PDE7A: variants seen among roughly 807,000 people sequenced by gnomAD.
PDE7A encodes the protein phosphodiesterase 7A.
Under a neutral mutation model 64.3 loss-of-function variants are expected in PDE7A, and 39 were observed. That is an observed-to-expected ratio of 0.61 (90% CI 0.47 to 0.79). PDE7A has a LOEUF of 0.79. PDE7A is among the 30% of genes least tolerant of loss of function. The pLI is 0.00. For synonymous variants in PDE7A, 203 were observed against 206.8 expected, an observed-to-expected ratio of 0.98 and a Z score of 0.16; for missense variants, 470 against 582.8, an observed-to-expected ratio of 0.81 and a Z score of 1.99.
intron 2 of PDE7A, among the ~76,000 whole-genome samples, chr8:65,780,036 T>C (rs1809370432): frequency 6.6e-6 from 1 of 152,062 alleles, no homozygotes; most frequent in African/African-American, 2.4e-5. Flanking sequence ...ATAATAATTA[T>C]TATAATCTAT....
intron 1 of PDE7A, among the ~76,000 whole-genome samples, chr8:65,790,955 G>C (rs1189154521): frequency 1.3e-5 from 2 of 152,124 alleles, no homozygotes; most frequent in Non-Finnish European, 2.9e-5. Context: ...CCCTGGCTTC[G>C]AGGTCATTCT....
intron 1 of PDE7A, among the ~76,000 whole-genome samples, chr8:65,798,206 A>ATATATATATATATATATATATT: frequency 5.4e-5 from 4 of 73,810 alleles, no homozygotes; most frequent in East Asian, 3.6e-4. Context: ...ATATATATAT[A>ATATATATATATATATATATATT]TTTTTTTTTT....
chr8:65,722,065 C>T lies in PDE7A; in HGVS notation c.1243+1476G>A, dbSNP rs912701311. On this transcript the variant is annotated intron_variant, in intron 12 of 12. Coordinates refer to ENST00000401827, the MANE Select transcript of PDE7A (RefSeq NM_001242318.3). ...CTCGGCTTCCCAAAGTGCTGGGTTA[C>T]AAGTATGAGCTACCGCTCCTGGCCA... The T allele has an allele frequency of 1.1e-4, 16 of 152,126 alleles. 2 individuals are homozygous for T. The highest frequency in any genetic ancestry group is 9.8e-4 in the Admixed American group (15 of 15,270). The allele number at this position is 152,126 out of a possible 1,614,324, so 9.4% of individuals were successfully genotyped here.
rs1806637383 is a variant in PDE7A at position 65,726,947 on chromosome 8, T to C, written c.848A>G (p.Asn283Ser). ...GCCCACTGCAGATCTCCAGTGGTGATTTTCCAGTACTGAGGTATTCTACAA... is the reference window on the plus strand; with the variant it reads ...GCCCACTGCAGATCTCCAGTGGTGACTTTCCAGTACTGAGGTATTCTACAA... ...TLYKNTSVLE[N>S]HHWRSAVGLL... Residue 283 changes from asparagine to serine, a missense_variant, in exon 9 of 13, where the codon AAT becomes AGT. Coordinates refer to ENST00000401827, the MANE Select transcript of PDE7A (RefSeq NM_001242318.3). The C allele has an allele frequency of 1.9e-6, 3 of 1,600,292 alleles. No homozygotes were observed. The Admixed American group carries it at 5.0e-5, about 27-fold the overall frequency.
intron 3 of PDE7A, among the ~76,000 whole-genome samples, chr8:65,751,188 T>C (rs1475735463): frequency 6.6e-6 from 1 of 152,198 alleles, no homozygotes; most frequent in African/African-American, 2.4e-5. Context: ...TGGTAAAGAA[T>C]GAAAATCCCA....
intron 6 of PDE7A, among the ~76,000 whole-genome samples, chr8:65,736,790 G>T (rs1478553012): frequency 1.6e-4 from 21 of 128,802 alleles, no homozygotes; most frequent in African/African-American, 2.6e-4. Flanking sequence ...AAATTTATCT[G>T]TTTTTTTTTT....
chr8:65,817,395 T>C (rs1810433762), intron 1 of PDE7A, among the ~76,000 whole-genome samples: 5 of 152,158 alleles, frequency 3.3e-5, no homozygotes, highest in Admixed American at 2.6e-4. Flanking sequence ...TACATAACCA[T>C]GGTACGTTTA....
In PDE7A at chr8:65,738,287, A is replaced by G. The variant is rs192974949; in HGVS notation, c.595+1215T>C. On this transcript the variant is annotated intron_variant, in intron 6 of 12. Coordinates refer to ENST00000401827, the MANE Select transcript of PDE7A (RefSeq NM_001242318.3). ...ATTGTATATAACCAAATAAATTACA[A>G]ATTAAGCTATCTCTTGATCTGGGCA... Among the ~76,000 whole-genome samples, 62 of 152,320 alleles carry G rather than the reference A, an allele frequency of 4.1e-4. No homozygotes were observed. The Middle Eastern group carries it at 0.017, about 42-fold the overall frequency.
Position 65,727,218 on chromosome 8 carries a change from A to AT in PDE7A, c.779dup (p.Asn260LysfsTer7). The AT allele has an allele frequency of 6.2e-7, 1 of 1,613,728 alleles. No individual in the cohort carries two copies. The highest frequency in any genetic ancestry group is 8.5e-7 in the Non-Finnish European group (1 of 1,179,672). ...GGTTAGTTTTAATAAGGAAAGGTTG[A>AT]TTAACACCTGGATGATCCAGATCAT... On this transcript the variant is annotated frameshift_variant, in exon 8 of 13. Coordinates refer to ENST00000401827, the MANE Select transcript of PDE7A (RefSeq NM_001242318.3). LOFTEE classifies it high-confidence loss of function.
chr8:65,719,723 A>G (rs866053211), intron 12 of PDE7A: 1 of 547,248 alleles, frequency 1.8e-6, no homozygotes, highest in Non-Finnish European at 3.3e-6. Context: ...AAGTGAACTG[A>G]CAAATATATC....
In PDE7A at chr8:65,727,451, C is replaced by G. The variant is rs1806658853; in HGVS notation, c.697-150G>C. The G allele has an allele frequency of 2.8e-6, 3 of 1,077,494 alleles. No homozygotes were observed. The African/African-American group carries it at 4.7e-5, about 17-fold the overall frequency. The allele number at this position is 1,077,494 out of a possible 1,614,324, so 66.7% of individuals were successfully genotyped here. ...TCAGGTGGTTGTTCATTAGGTTCAC[C>G]AAGCACATCTGCCAGGTCCTGATCT... On this transcript the variant is annotated intron_variant, in intron 7 of 12. Coordinates refer to ENST00000401827, the MANE Select transcript of PDE7A (RefSeq NM_001242318.3).
At chr8:65,742,782 A>G (rs1219454243) in intron 5 of PDE7A, among the ~76,000 whole-genome samples, 2 of 152,226 alleles carry the variant, frequency 1.3e-5, no homozygotes, top group African/African-American at 4.8e-5. Context: ...GAATGTATAA[A>G]TCTCCACCTC....
At chr8:65,840,851 A>C (rs955659408) in intron 1 of PDE7A, among the ~76,000 whole-genome samples, 1 of 152,252 alleles carries the variant, frequency 6.6e-6, no homozygotes, top group African/African-American at 2.4e-5. Context: ...GAAACGAAGG[A>C]GTCGGGGAGA....
rs568009735 is a variant in PDE7A at position 65,779,731 on chromosome 8, C to T, written c.272G>A (p.Arg91His). ...RRGSHPYIDF[R>H]IFHSQSEIEV... ...CTACCAACACTTACAGTGGAAAATA[C>T]GAAAATCAATATATGGGTGAGAACC... is the stretch of plus-strand genomic sequence containing the variant. The change falls in exon 3 of 13, where the codon CGT (arginine) becomes CAT (histidine). Residue 91 changes from arginine to histidine, a missense_variant. Coordinates refer to ENST00000401827, the MANE Select transcript of PDE7A (RefSeq NM_001242318.3). 5.8e-5 allele frequency: 90 copies of T among 1,560,780 alleles called. No homozygotes were observed. The highest frequency in any genetic ancestry group is 2.3e-4 in the African/African-American group (17 of 72,984).
At chr8:65,789,839 G>A (rs1441508644) in intron 1 of PDE7A, among the ~76,000 whole-genome samples, 1 of 152,236 alleles carries the variant, frequency 6.6e-6, no homozygotes, top group Non-Finnish European at 1.5e-5. Flanking sequence ...TGCACCAGAT[G>A]GCAGGGATAT....
chr8:65,734,875 G>A lies in PDE7A; in HGVS notation c.615C>T (p.Tyr205=). 1 of 1,609,248 alleles carries A rather than the reference G, an allele frequency of 6.2e-7. No individual in the cohort carries two copies. ...CGTTATGGTAAGGATTTTGACTGTG[G>A]TAATCTTCTTGAATCATAACTGCAT... The part of the protein sequence containing the change: ...RRFLVMIQED[Y]HSQNPYHNAV... The change falls in exon 7 of 13, where the codon TAC becomes TAT. Residue 205 remains tyrosine (Y), a synonymous_variant. Coordinates refer to ENST00000401827, the MANE Select transcript of PDE7A (RefSeq NM_001242318.3).
At chr8:65,723,691 G>T (rs991285079) in intron 11 of PDE7A, 70 bp from the exon 12 acceptor site, 93 of 1,060,698 alleles carry the variant, frequency 8.8e-5, no homozygotes, top group Non-Finnish European at 1.8e-5. Context: ...TTAAAGGCTT[G>T]AACATACCTG....
At position 65,739,544 on chromosome 8, in the gene PDE7A, C is replaced by T. The variant is rs1017448700; in HGVS notation, c.553G>A (p.Glu185Lys). Reference protein sequence around the residue: ...FHLFSLHGLIEYFHLDMMKLR... With the variant: ...FHLFSLHGLIKYFHLDMMKLR... Reference sequence around the variant, plus strand: ...TTCATCATATCTAAATGGAAGTACTCAATTAATCCATGAAGACTAAATAAA... The same window carrying T: ...TTCATCATATCTAAATGGAAGTACTTAATTAATCCATGAAGACTAAATAAA... Residue 185 changes from glutamate (E) to lysine (K), a missense_variant, in exon 6 of 13, where the codon GAG (glutamate) becomes AAG (lysine). Glu to Lys is a moderately conservative substitution (Grantham distance 56). Coordinates refer to ENST00000401827, the MANE Select transcript of PDE7A (RefSeq NM_001242318.3). 6.4e-7 allele frequency: 1 copy of T among 1,567,708 alleles called. No homozygotes were observed. Among genetic ancestry groups the T allele is most frequent in the Non-Finnish European group, 8.6e-7 (1 of 1,161,912 alleles).
chr8:65,740,724 C>T (rs990259694), intron 5 of PDE7A, among the ~76,000 whole-genome samples: 2 of 152,120 alleles, frequency 1.3e-5, no homozygotes, highest in Admixed American at 1.3e-4. Context: ...TTTCAAAAGC[C>T]AATCCATCCA....
Sources: allele counts gnomAD v4.1 joint callset (sites outside exome capture counted in the v4.1 genomes callset), GRCh38; gene constraint gnomAD v4.1.1; transcripts MANE v1.5; gene names NCBI Gene and HGNC (gene_info 2026-07-23, HGNC 2026-07-21).